ANK2: variants seen among roughly 807,000 people sequenced by gnomAD.
ANK2 encodes the protein ankyrin-2.
ANK2 carries 83 observed loss-of-function variants against 360.5 expected under a neutral mutation model. The observed-to-expected ratio is 0.23, with a 90% CI of 0.19 to 0.28. The LOEUF (loss-of-function observed/expected upper bound fraction) is 0.28, where lower values mean the gene tolerates loss of function less well. ANK2 is among the 10% of genes least tolerant of loss of function. The pLI, the probability that ANK2 is intolerant of heterozygous loss-of-function variation, is 1.00. For missense variants in ANK2, 4,201 were observed against 4,795.7 expected (o/e 0.88, Z 3.66); for synonymous variants, 1,740 against 1,759.5 (o/e 0.99, Z 0.28).
At chr4:113,248,721 C>A (rs2044385062) in intron 9 of ANK2, among the ~76,000 whole-genome samples, 1 of 152,144 alleles carries the variant, frequency 6.6e-6, no homozygotes, top group Admixed American at 6.5e-5. Flanking sequence ...AGTAGAGACA[C>A]AAACGAGAGG....
chr4:113,337,517 T>A (rs2093699997), intron 31 of ANK2, among the ~76,000 whole-genome samples: 1 of 152,210 alleles, frequency 6.6e-6, no homozygotes, highest in Non-Finnish European at 1.5e-5. Context: ...CTATCAATAA[T>A]TACATGGTGT....
chr4:113,027,342 CTG>C (rs113522789), intron 2 of ANK2, among the ~76,000 whole-genome samples: 4 of 152,262 alleles, frequency 2.6e-5, no homozygotes, highest in African/African-American at 9.6e-5. Context: ...TCACTCTAGT[CTG>C]TAAGCACCTC....
chr4:113,315,496 G>A (rs545186693), intron 24 of ANK2, among the ~76,000 whole-genome samples: 1 of 152,230 alleles, frequency 6.6e-6, no homozygotes, highest in East Asian at 1.9e-4. Context: ...TCCAGAAGAC[G>A]GTTGAGCCCA....
chr4:112,917,084 C>T (rs528023469), intron 2 of ANK2, among the ~76,000 whole-genome samples: 1 of 152,276 alleles, frequency 6.6e-6, no homozygotes, highest in South Asian at 2.1e-4. Flanking sequence ...CATGCAAATT[C>T]CAGAGCAGCA....
intron 1 of ANK2, among the ~76,000 whole-genome samples, chr4:113,058,661 C>A (rs2071419013): frequency 6.6e-6 from 1 of 152,050 alleles, no homozygotes; most frequent in Non-Finnish European, 1.5e-5. Context: ...CTCTCTTACT[C>A]CATAGCACTG....
intron 10 of ANK2, among the ~76,000 whole-genome samples, chr4:113,250,234 C>A (rs2045399128): frequency 6.6e-6 from 1 of 152,088 alleles, no homozygotes; most frequent in Non-Finnish European, 1.5e-5. Context: ...TAAAGCAGAA[C>A]AATTAGCAAC....
At chr4:112,946,917 A>G (rs2094577611) in intron 2 of ANK2, among the ~76,000 whole-genome samples, 1 of 152,218 alleles carries the variant, frequency 6.6e-6, no homozygotes, top group Non-Finnish European at 1.5e-5. Context: ...TCAGTGGATC[A>G]ATTATTCTTT....
At chr4:113,053,602 T>C (rs1412165779) in intron 1 of ANK2, among the ~76,000 whole-genome samples, 1 of 152,190 alleles carries the variant, frequency 6.6e-6, no homozygotes, top group Non-Finnish European at 1.5e-5. Context: ...TAAAGATTTT[T>C]ATATTTTTTG....
At chr4:112,714,013 T>C in the ANK2 span, among the ~76,000 whole-genome samples, 1 of 152,116 alleles carries the variant, frequency 6.6e-6, no homozygotes, top group African/African-American at 2.4e-5. Flanking sequence ...CTTCCAACAA[T>C]GAATTAGAGT....
intron 2 of ANK2, among the ~76,000 whole-genome samples, chr4:112,920,930 A>G (rs1277544995): frequency 6.6e-6 from 1 of 152,158 alleles, no homozygotes; most frequent in East Asian, 1.9e-4. Flanking sequence ...GCTGTTGTAT[A>G]GCTCATGGAT....
chr4:113,233,261 A>G (rs2099342739), intron 5 of ANK2, among the ~76,000 whole-genome samples: 1 of 146,070 alleles, frequency 6.8e-6, no homozygotes, highest in African/African-American at 2.5e-5. Context: ...CAGCCTCCCA[A>G]GTAGCTGGGA....
intron 1 of ANK2, among the ~76,000 whole-genome samples, chr4:112,830,703 G>T (rs1037035753): frequency 6.6e-6 from 1 of 152,284 alleles, no homozygotes; most frequent in Non-Finnish European, 1.5e-5. Context: ...ATCCACTCTG[G>T]CTGCGCTTGA....
chr4:113,070,734 C>G (rs1236904390), intron 1 of ANK2, among the ~76,000 whole-genome samples: 2 of 152,036 alleles, frequency 1.3e-5, no homozygotes, highest in East Asian at 3.9e-4. Context: ...CAACCTTATT[C>G]CCTTGTGTGA....
intron 1 of ANK2, among the ~76,000 whole-genome samples, chr4:113,058,696 G>A (rs553486494): frequency 6.6e-6 from 1 of 152,110 alleles, no homozygotes; most frequent in South Asian, 2.1e-4. Context: ...CAGAGGGGTG[G>A]CAATACACCC....
intron 1 of ANK2, among the ~76,000 whole-genome samples, chr4:112,877,203 T>C (rs1384728718): frequency 6.6e-6 from 1 of 152,200 alleles, no homozygotes; most frequent in Non-Finnish European, 1.5e-5. Flanking sequence ...TTTCAACCTC[T>C]TTCCCCCATT....
intron 9 of ANK2, among the ~76,000 whole-genome samples, chr4:113,247,617 C>T (rs2043713025): frequency 6.6e-6 from 1 of 152,138 alleles, no homozygotes; most frequent in Non-Finnish European, 1.5e-5. Flanking sequence ...AGGTGCCATT[C>T]CCTCCTTCAT....
chr4:113,248,942 A>G (rs1357812130), intron 9 of ANK2, among the ~76,000 whole-genome samples: 2 of 152,012 alleles, frequency 1.3e-5, no homozygotes, highest in African/African-American at 4.8e-5. Flanking sequence ...TTCGCCTCAC[A>G]TTTCCCACCC....
At chr4:113,095,071 G>C (rs1284466483) in intron 1 of ANK2, among the ~76,000 whole-genome samples, 4 of 152,138 alleles carry the variant, frequency 2.6e-5, no homozygotes, top group Admixed American at 2.0e-4. Context: ...AATTGGCAGG[G>C]GCTGGTGAAA....
intron 1 of ANK2, among the ~76,000 whole-genome samples, chr4:113,139,003 A>G (rs2096543349): frequency 6.6e-6 from 1 of 152,222 alleles, no homozygotes; most frequent in South Asian, 2.1e-4. Context: ...TTTGCTTAAT[A>G]GTAAGACATT....
Sources: allele counts gnomAD v4.1 joint callset (sites outside exome capture counted in the v4.1 genomes callset), GRCh38; gene constraint gnomAD v4.1.1; transcripts MANE v1.5; gene names NCBI Gene and HGNC (gene_info 2026-07-23, HGNC 2026-07-21).